Variants in TMTC2 observed in about 807,000 individuals in gnomAD.
TMTC2 encodes protein O-mannosyl-transferase TMTC2.
TMTC2 carries 43 observed loss-of-function variants against 82.4 expected under a neutral mutation model. The ratio of observed to expected loss-of-function variants is 0.52; its 90% CI spans 0.41 to 0.67. The LOEUF is 0.67. Among genes scored for constraint, TMTC2 ranks in the 30% least tolerant of loss-of-function variants. TMTC2 has a pLI of 0.00. For synonymous variants in TMTC2, 408 were observed against 381.9 expected, an observed-to-expected ratio of 1.07 and a Z score of -0.80; for missense variants, 919 against 1,012.4, an observed-to-expected ratio of 0.91 and a Z score of 1.25.
chr12:82,756,390 T>C (rs892039131), intron 1 of TMTC2, among the ~76,000 whole-genome samples: 3 of 152,294 alleles, frequency 2.0e-5, no homozygotes, highest in East Asian at 3.9e-4. Flanking sequence ...AGCCTACATA[T>C]ATTCTTTACA....
At chr12:82,691,942 T>C (rs1592851263) in intron 1 of TMTC2, among the ~76,000 whole-genome samples, 3 of 152,280 alleles carry the variant, frequency 2.0e-5, no homozygotes, top group Admixed American at 2.0e-4. Flanking sequence ...CAAGTTAGAG[T>C]TTATAAATTA....
intron 11 of TMTC2, among the ~76,000 whole-genome samples, chr12:83,100,386 T>G (rs2137532435): frequency 6.6e-6 from 1 of 152,266 alleles, no homozygotes. Context: ...GTGTTTTTTT[T>G]GTTTTTTGTT....
At chr12:82,929,034 G>T (rs7307017) in intron 3 of TMTC2, among the ~76,000 whole-genome samples, 26,017 of 151,802 alleles carry the variant, frequency 0.17, 4,288 homozygotes, top group African/African-American at 0.43. Context: ...ATTTATTGAG[G>T]GTTTACCATG....
chr12:82,870,105 C>A (rs1872099197), intron 2 of TMTC2, among the ~76,000 whole-genome samples: 1 of 152,092 alleles, frequency 6.6e-6, no homozygotes, highest in Non-Finnish European at 1.5e-5. Flanking sequence ...TCAAATTCAT[C>A]ATTAATTAAT....
chr12:83,108,190 G>T lies in TMTC2; in HGVS notation c.2332-24020G>T, dbSNP rs370554510. Among the ~76,000 whole-genome samples, 12 of 152,096 alleles carry T rather than the reference G, an allele frequency of 7.9e-5. No homozygotes were observed. The East Asian group carries it at 1.2e-3, about 15-fold the overall frequency. ...GTCTCAGTTCTTTATAGCAATGGGA[G>T]AATGGACTAATACGGTCTTTAAATG... On this transcript the variant is annotated intron_variant, in intron 11 of 11. Coordinates refer to ENST00000321196, the MANE Select transcript of TMTC2 (RefSeq NM_152588.3).
In TMTC2 at chr12:82,889,850, G is replaced by T. The variant is rs74106165; in HGVS notation, c.655-5968G>T. The stretch of plus-strand genomic sequence containing the variant: ...TTTGCCATATGGATTCAGACATATG[G>T]CTATACCATGATTTTTTTATTACCA... On this transcript the variant is annotated intron_variant, in intron 2 of 11. Coordinates refer to ENST00000321196, the MANE Select transcript of TMTC2 (RefSeq NM_152588.3). Among the ~76,000 whole-genome samples the T allele has an allele frequency of 5.8e-3, 878 of 152,000 alleles. 6 individuals are homozygous for T. Among genetic ancestry groups the T allele is most frequent in the African/African-American group, 0.02 (826 of 41,462 alleles).
At chr12:82,766,903 ATTC>A (rs1301179877) in intron 1 of TMTC2, among the ~76,000 whole-genome samples, 1 of 152,160 alleles carries the variant, frequency 6.6e-6, no homozygotes, top group African/African-American at 2.4e-5. Flanking sequence ...GGTTCAAGCA[ATTC>A]TTCTGCCTCA....
At position 82,997,360 on chromosome 12, in the gene TMTC2, A is replaced by ATGTG. The variant is rs1396897296; in HGVS notation, c.2070+11315_2070+11316insGTGT. Among the ~76,000 whole-genome samples, 6 of 29,282 alleles carry ATGTG rather than the reference A, an allele frequency of 2.0e-4. No individual in the cohort carries two copies. In the East Asian group the frequency reaches 2.3e-3, roughly 11 times the overall value. 19.2% of individuals were successfully genotyped at this position (29,282 alleles called of 152,430 possible). Reference sequence around the variant, plus strand: ...TGTGTGTGTGTGTGTATATATATATATATATGTGTATATATATATATGTGT... The same window carrying ATGTG: ...TGTGTGTGTGTGTGTATATATATATATGTGTATATGTGTATATATATATATGTGT... On this transcript the variant is annotated intron_variant, in intron 8 of 11. Transcript: ENST00000321196.
At chr12:82,999,814 A>G (rs2137364895) in intron 8 of TMTC2, among the ~76,000 whole-genome samples, 2 of 152,288 alleles carry the variant, frequency 1.3e-5, no homozygotes. Flanking sequence ...TTGGATGGGG[A>G]CACAGAGCCA....
intron 1 of TMTC2, among the ~76,000 whole-genome samples, chr12:82,768,109 A>C (rs1024361264): frequency 6.6e-6 from 1 of 152,182 alleles, no homozygotes; most frequent in African/African-American, 2.4e-5. Context: ...TTCTCCTCTC[A>C]GAACTTGTAC....
At chr12:83,094,542 C>G (rs1386613765) in intron 11 of TMTC2, among the ~76,000 whole-genome samples, 3 of 152,114 alleles carry the variant, frequency 2.0e-5, no homozygotes, top group Non-Finnish European at 4.4e-5. Flanking sequence ...GATATTTGTT[C>G]CATTTGCATT....
intron 9 of TMTC2, among the ~76,000 whole-genome samples, chr12:83,031,395 G>A (rs565291488): frequency 2.6e-5 from 4 of 152,104 alleles, no homozygotes; most frequent in Non-Finnish European, 5.9e-5. Flanking sequence ...GTCTCATTTC[G>A]TTTAGCCTTG....
intron 1 of TMTC2, among the ~76,000 whole-genome samples, chr12:82,704,093 GT>G (rs1387960441): frequency 1.3e-5 from 2 of 152,020 alleles, no homozygotes; most frequent in Non-Finnish European, 2.9e-5. Flanking sequence ...AGGTGGGGAG[GT>G]TTATTTTTTA....
chr12:82,793,832 T>C (rs1878578549), intron 1 of TMTC2, among the ~76,000 whole-genome samples: 1 of 152,110 alleles, frequency 6.6e-6, no homozygotes, highest in South Asian at 2.1e-4. Context: ...GTGTAAAGGC[T>C]CAGTTGGAAC....
At chr12:82,728,580 G>C (rs549041754) in intron 1 of TMTC2, among the ~76,000 whole-genome samples, 1 of 152,262 alleles carries the variant, frequency 6.6e-6, no homozygotes, top group South Asian at 2.1e-4. Context: ...AATTAGCTGG[G>C]CATGGTGGTG....
chr12:82,995,024 T>C (rs1428262879), intron 8 of TMTC2, among the ~76,000 whole-genome samples: 2 of 152,158 alleles, frequency 1.3e-5, no homozygotes, highest in Non-Finnish European at 2.9e-5. Context: ...CTTGTTATTC[T>C]TTCTGCTACA....
At chr12:82,823,917 G>A (rs1012983964) in intron 1 of TMTC2, among the ~76,000 whole-genome samples, 11 of 144,584 alleles carry the variant, frequency 7.6e-5, no homozygotes, top group Admixed American at 1.4e-4. Context: ...TTTTTGAGAC[G>A]GAGTCTCGCT....
intron 4 of TMTC2, among the ~76,000 whole-genome samples, chr12:82,933,231 G>T (rs1029115963): frequency 1.3e-5 from 2 of 151,976 alleles, no homozygotes; most frequent in Non-Finnish European, 2.9e-5. Flanking sequence ...ACAGAATTCT[G>T]ATATCAATAA....
chr12:83,041,480 G>A (rs758495412), intron 9 of TMTC2, among the ~76,000 whole-genome samples: 2 of 151,982 alleles, frequency 1.3e-5, no homozygotes, highest in African/African-American at 2.4e-5. Flanking sequence ...TGTGACAATG[G>A]GCATTTATTA....
Sources: allele counts gnomAD v4.1 joint callset (sites outside exome capture counted in the v4.1 genomes callset), GRCh38; gene constraint gnomAD v4.1.1; transcripts MANE v1.5; gene names NCBI Gene and HGNC (gene_info 2026-07-23, HGNC 2026-07-21).